MAPT: variants seen among roughly 807,000 people sequenced by gnomAD.
MAPT encodes microtubule-associated protein tau.
Under a neutral mutation model 67.9 loss-of-function variants are expected in MAPT, and 34 were observed. The ratio of observed to expected loss-of-function variants is 0.50; its 90% CI spans 0.38 to 0.67. The LOEUF is 0.67. MAPT is among the 30% of genes least tolerant of loss of function. MAPT has a pLI of 0.00. For missense variants in MAPT, 881 were observed against 1,115.2 expected (o/e 0.79, Z 2.99); for synonymous variants, 456 against 464.5 (o/e 0.98, Z 0.23).
intron 1 of MAPT, among the ~76,000 whole-genome samples, chr17:45,958,168 A>T (rs903079866): frequency 6.6e-6 from 1 of 152,208 alleles, no homozygotes; most frequent in Non-Finnish European, 1.5e-5. Flanking sequence ...AAATATAAAA[A>T]ATTAGACCAC....
intron 1 of MAPT, among the ~76,000 whole-genome samples, chr17:45,936,539 C>T (rs1439396865): frequency 2.0e-5 from 3 of 152,212 alleles, no homozygotes; most frequent in Non-Finnish European, 4.4e-5. Flanking sequence ...TGAAGCAGCT[C>T]CCAAATCCAC....
chr17:45,951,537 C>G (rs1292074603), intron 1 of MAPT, among the ~76,000 whole-genome samples: 1 of 152,100 alleles, frequency 6.6e-6, no homozygotes, highest in Admixed American at 6.5e-5. Context: ...CTCTCTCTCT[C>G]TCTCAACCCT....
intron 1 of MAPT, among the ~76,000 whole-genome samples, chr17:45,902,196 G>A (rs1304849085): frequency 2.6e-5 from 4 of 151,958 alleles, no homozygotes; most frequent in South Asian, 2.1e-4. Context: ...CTCAGCCTCC[G>A]CCGTAGCCGG....
chr17:45,934,746 TC>T (rs2144758972), intron 1 of MAPT, among the ~76,000 whole-genome samples: 1 of 152,314 alleles, frequency 6.6e-6, no homozygotes, highest in South Asian at 2.1e-4. Flanking sequence ...AGTAGCTAAT[TC>T]CATGTCTTCT....
Position 45,982,878 on chromosome 17 carries a change from T to G in MAPT, c.299T>G (p.Val100Gly). The G allele has an allele frequency of 7.6e-7, 1 of 1,317,470 alleles. No homozygotes were observed. Among genetic ancestry groups the G allele is most frequent in the African/African-American group, 1.5e-5 (1 of 67,526 alleles). The allele number at this position is 1,317,470 out of a possible 1,614,324, so 81.6% of individuals were successfully genotyped here. Residue 100 changes from valine to glycine, a missense_variant, in exon 5 of 13, where the codon GTT (valine) becomes GGT (glycine). This residue lies in a region of MAPT where 687 missense variants were observed against 766.1 expected (regional missense o/e 0.90). Coordinates refer to ENST00000262410, the MANE Select transcript of MAPT (RefSeq NM_001377265.1). ...AGHVTQEELR[V>G]PGRQRKAPER... Reference sequence around the variant, plus strand: ...CTCTTCAAACCAGAGGAGTTGAGAGTTCCGGGCCGGCAGAGGAAGGCGCCT... The same window carrying G: ...CTCTTCAAACCAGAGGAGTTGAGAGGTCCGGGCCGGCAGAGGAAGGCGCCT...
rs77875796 is a variant in MAPT, at chr17:45,974,246, A to G, written c.220+2301A>G. The G allele has an allele frequency of 0.16, 114,566 of 701,350 alleles. 11,606 individuals are homozygous for G. The highest frequency in any genetic ancestry group is 0.22 in the Non-Finnish European group (83,992 of 389,676). The allele number at this position is 701,350 out of a possible 1,614,324, so 43.4% of individuals were successfully genotyped here. ...GCTGGTAGCAGGGGCTCCGGGCCCT[A>G]CTTCAGGGCTGCTTTCTGGCATATG... is the stretch of plus-strand genomic sequence containing the variant. On this transcript the variant is annotated intron_variant, in intron 3 of 12. Coordinates refer to ENST00000262410, the MANE Select transcript of MAPT (RefSeq NM_001377265.1).
intron 1 of MAPT, among the ~76,000 whole-genome samples, chr17:45,908,673 C>T (rs1426624450): frequency 6.6e-6 from 1 of 152,108 alleles, no homozygotes; most frequent in African/African-American, 2.4e-5. Context: ...TTATGCATAT[C>T]GAATTACTTA....
chr17:45,983,856 T>C lies in MAPT; in HGVS notation c.1277T>C (p.Leu426Pro). The C allele has an allele frequency of 6.2e-7, 1 of 1,604,268 alleles. No individual in the cohort carries two copies. Among genetic ancestry groups the C allele is most frequent in the South Asian group, 1.1e-5 (1 of 89,676 alleles). ...GGAGAGGACACAAAAGAGGCTGACC[T>C]TCCAGAGCCCTCTGAAAAGCAGCCT... ...SLGEDTKEAD[L>P]PEPSEKQPAA... is the part of the protein sequence containing the mutation. The change falls in exon 5 of 13, where the codon CTT becomes CCT. Residue 426 changes from leucine (L) to proline (P), a missense_variant. By Grantham distance (98) the Leu-to-Pro change is moderately conservative. Transcript: ENST00000262410.
At position 45,915,303 on chromosome 17, in the gene MAPT, CGTGT is replaced by C. The variant is rs1049629266; in HGVS notation, c.-18+20621_-18+20624del. Among the ~76,000 whole-genome samples the C allele has an allele frequency of 5.4e-5, 8 of 147,240 alleles. No individual in the cohort carries two copies. Among genetic ancestry groups the C allele is most frequent in the African/African-American group, 1.5e-4 (6 of 39,588 alleles). On this transcript the variant is annotated intron_variant, in intron 1 of 12. Transcript: ENST00000262410. This position sits in a 1 kb window ranked among gnomAD's most constrained non-coding sequence, Gnocchi z 4.4. ...GGTGTGGGGGTGTGTGCTGTGTGAG[CGTGT>C]GTGAGTCTGTGTGTGTAGTGTGTGT...
In MAPT at chr17:45,921,733, C is replaced by T. The variant is rs117537690; in HGVS notation, c.-18+27047C>T. 8.5e-5 allele frequency among the ~76,000 whole-genome samples: 13 copies of T among 152,240 alleles called. No individual in the cohort carries two copies. The East Asian group carries it at 1.7e-3, about 20-fold the overall frequency. On this transcript the variant is annotated intron_variant, in intron 1 of 12. Transcript: ENST00000262410. ...AAGTTTTTGAATATTGTAACATGTT[C>T]GTAGGCTGTTTGTCTGGTTTAAACT...
intron 12 of MAPT, among the ~76,000 whole-genome samples, chr17:46,021,301 G>T (rs1339111702): frequency 1.3e-5 from 2 of 152,204 alleles, no homozygotes; most frequent in African/African-American, 4.8e-5. Flanking sequence ...AACGAGGAGG[G>T]ACCAGGAGGC....
At chr17:45,999,672 G>A in intron 9 of MAPT, 1 of 1,583,702 alleles carries the variant, frequency 6.3e-7, no homozygotes, top group Non-Finnish European at 8.6e-7. Flanking sequence ...TGTAGAAAGG[G>A]GCAGATGGGA....
chr17:45,953,073 G>T (rs1285370755), intron 1 of MAPT, among the ~76,000 whole-genome samples: 2 of 152,078 alleles, frequency 1.3e-5, no homozygotes, highest in Non-Finnish European at 2.9e-5. Context: ...TCACAGAGAT[G>T]CCTGCAAGGC....
rs751918413 is a variant in MAPT, at chr17:45,989,838, GCTGA to G, written c.1408-37_1408-34del. 6.3e-6 allele frequency: 10 copies of G among 1,576,150 alleles called. No individual in the cohort carries two copies. The African/African-American group carries it at 6.7e-5, about 11-fold the overall frequency. On this transcript the variant is annotated intron_variant, in intron 6 of 12. Coordinates refer to ENST00000262410, the MANE Select transcript of MAPT (RefSeq NM_001377265.1). ...TTCAGTTTGTTTCCCTCCTCCATGT[GCTGA>G]CTTTTATTTTGATTTTATTTATGTT... is the stretch of plus-strand genomic sequence containing the variant.
At chr17:45,916,696 G>A (rs544589512) in intron 1 of MAPT, among the ~76,000 whole-genome samples, 29 of 152,282 alleles carry the variant, frequency 1.9e-4, no homozygotes, top group Middle Eastern at 6.8e-3. Flanking sequence ...AACTTCTGAG[G>A]TTACATTGAG....
intron 2 of MAPT, among the ~76,000 whole-genome samples, chr17:45,969,852 C>T (rs568817194): frequency 6.6e-6 from 1 of 152,128 alleles, no homozygotes; most frequent in African/African-American, 2.4e-5. Context: ...ATTCATTCTT[C>T]CATCGATTCA....
intron 9 of MAPT, chr17:45,999,656 G>A: frequency 1.2e-6 from 2 of 1,602,738 alleles, no homozygotes; most frequent in South Asian, 1.1e-5. Context: ...GCGACCTCAT[G>A]CCAAGTGTAG....
intron 3 of MAPT, 27 bp from the exon 4 acceptor site, chr17:45,978,348 C>T: frequency 3.2e-6 from 5 of 1,583,300 alleles, no homozygotes; most frequent in Non-Finnish European, 1.7e-6. Flanking sequence ...GCTTTTACCC[C>T]CCTTCATTTG....
At chr17:45,942,063 A>T (rs1568209036) in intron 1 of MAPT, among the ~76,000 whole-genome samples, 2 of 152,174 alleles carry the variant, frequency 1.3e-5, no homozygotes, top group Admixed American at 1.3e-4. Flanking sequence ...ATCTGATTGT[A>T]AACATAATAC....
Sources: allele counts gnomAD v4.1 joint callset (sites outside exome capture counted in the v4.1 genomes callset), GRCh38; gene constraint gnomAD v4.1.1; regional missense constraint gnomAD v4.1.1; non-coding constraint Gnocchi (gnomAD v3.1); transcripts MANE v1.5; gene names NCBI Gene and HGNC (gene_info 2026-07-23, HGNC 2026-07-21).